Variants in NVL observed in about 807,000 individuals in gnomAD.
The protein encoded by NVL is nuclear valosin-containing protein-like.
A neutral mutation model predicts 110.2 loss-of-function variants in NVL; 84 were observed. That is an observed-to-expected ratio of 0.76 (90% CI 0.64 to 0.91). The LOEUF is 0.91. Ranked by LOEUF, NVL falls within the 40% of genes least tolerant of loss-of-function variation. The pLI is 0.00. For missense variants in NVL, 882 were observed against 1,035.9 expected, an observed-to-expected ratio of 0.85 and a Z score of 2.04; for synonymous variants, 354 against 361.1, an observed-to-expected ratio of 0.98 and a Z score of 0.22.
chr1:224,321,822 T>C (rs1216794127), intron 2 of NVL, among the ~76,000 whole-genome samples: 4 of 150,510 alleles, frequency 2.7e-5, no homozygotes, highest in African/African-American at 9.8e-5. Flanking sequence ...ATTAGGCTAG[T>C]ATAGTAATGG....
chr1:224,284,139 G>T (rs999571429), intron 15 of NVL, among the ~76,000 whole-genome samples: 2 of 151,808 alleles, frequency 1.3e-5, no homozygotes, highest in African/African-American at 4.8e-5. Flanking sequence ...TTCCAATGGG[G>T]AAAAAAGCAC....
chr1:224,270,656 TAAATA>T (rs1425374536), intron 17 of NVL, among the ~76,000 whole-genome samples: 3 of 151,880 alleles, frequency 2.0e-5, no homozygotes, highest in Admixed American at 6.6e-5. Context: ...AACACATAAT[TAAATA>T]AAAGACTACT....
rs184184446 is a variant in NVL, at chr1:224,316,995, C to T, written c.284+699G>A. 7.2e-5 allele frequency among the ~76,000 whole-genome samples: 11 copies of T among 151,906 alleles called. No homozygotes were observed. In the East Asian group the frequency reaches 1.8e-3, roughly 24 times the overall value. On this transcript the variant is annotated intron_variant, in intron 4 of 22. Transcript: ENST00000281701. Reference sequence around the variant, plus strand: ...TCTACCAAAAATATAAAAAATTAGCCGGGTGTGGTGGCACATGACTGTAAT... The same window carrying T: ...TCTACCAAAAATATAAAAAATTAGCTGGGTGTGGTGGCACATGACTGTAAT...
Position 224,254,577 on chromosome 1 carries a change from T to TG in NVL, c.2183-4260_2183-4259insC, listed in dbSNP as rs1282746184. Among the ~76,000 whole-genome samples, 24 of 144,534 alleles carry TG rather than the reference T, an allele frequency of 1.7e-4. No individual in the cohort carries two copies. The East Asian group carries it at 4.0e-3, about 24-fold the overall frequency. The allele number at this position is 144,534 out of a possible 152,430, so 94.8% of individuals were successfully genotyped here. ...CCGGCTAATTTGTTTTTTTTGTTTT[T>TG]TTTTTTTTTGTATTTTTAGTAGAAA... On this transcript the variant is annotated intron_variant, in intron 18 of 22. Coordinates refer to ENST00000281701, the MANE Select transcript of NVL (RefSeq NM_002533.4).
chr1:224,264,021 A>G (rs1664241398), intron 18 of NVL, among the ~76,000 whole-genome samples: 1 of 152,018 alleles, frequency 6.6e-6, no homozygotes, highest in African/African-American at 2.4e-5. Context: ...TCTCAAAAAC[A>G]AACAAACAAA....
At chr1:224,269,892 G>C (rs1173270189) in intron 17 of NVL, 1 of 151,020 alleles carries the variant, frequency 6.6e-6, no homozygotes, top group Non-Finnish European at 1.5e-5. Context: ...TGGGACTACA[G>C]GTATGCACCA....
intron 16 of NVL, among the ~76,000 whole-genome samples, chr1:224,278,225 TC>T (rs1665959081): frequency 6.9e-6 from 1 of 144,574 alleles, no homozygotes; most frequent in Admixed American, 7.0e-5. Flanking sequence ...GATCATCTAA[TC>T]TTTTTTTTTT....
At chr1:224,290,648 A>C (rs1054187789) in intron 12 of NVL, among the ~76,000 whole-genome samples, 14 of 152,066 alleles carry the variant, frequency 9.2e-5, no homozygotes, top group African/African-American at 3.1e-4. Context: ...TAAAGATACA[A>C]AAAATTAGCT....
At chr1:224,243,319 G>C (rs1332904499) in intron 19 of NVL, among the ~76,000 whole-genome samples, 1 of 151,520 alleles carries the variant, frequency 6.6e-6, no homozygotes, top group Non-Finnish European at 1.5e-5. Context: ...AAATTAGCTA[G>C]GCCTGGTGGC....
chr1:224,318,614 A>C (rs1670321193), intron 2 of NVL, among the ~76,000 whole-genome samples: 1 of 151,918 alleles, frequency 6.6e-6, no homozygotes, highest in Admixed American at 6.6e-5. Flanking sequence ...AAAAATAATA[A>C]ATTAAAAAAC....
chr1:224,295,908 C>G (rs967360086), intron 11 of NVL, among the ~76,000 whole-genome samples: 2 of 137,284 alleles, frequency 1.5e-5, no homozygotes, highest in South Asian at 4.5e-4. Flanking sequence ...GAGGTTGCAG[C>G]GAGTTGAGAT....
At chr1:224,230,231 G>T (rs1416296802) in intron 22 of NVL, among the ~76,000 whole-genome samples, 2 of 152,192 alleles carry the variant, frequency 1.3e-5, no homozygotes, top group African/African-American at 4.8e-5. Context: ...TTTGGGTACA[G>T]TCTAGCTCCA....
At chr1:224,309,077 AAAAAAG>A (rs1292541804) in intron 5 of NVL, among the ~76,000 whole-genome samples, 1 of 151,840 alleles carries the variant, frequency 6.6e-6, no homozygotes, top group Non-Finnish European at 1.5e-5. Flanking sequence ...AAAAAAAAAA[AAAAAAG>A]ACTTCACTCC....
chr1:224,254,580 T>TG (rs1342263240), intron 18 of NVL, among the ~76,000 whole-genome samples: 46 of 144,286 alleles, frequency 3.2e-4, no homozygotes, highest in Admixed American at 2.1e-4. Flanking sequence ...TTGTTTTTTT[T>TG]TTTTTTGTAT....
At chr1:224,296,961 A>AG (rs1350705510) in intron 10 of NVL, among the ~76,000 whole-genome samples, 2 of 152,202 alleles carry the variant, frequency 1.3e-5, no homozygotes, top group African/African-American at 2.4e-5. Flanking sequence ...GCATATGCAC[A>AG]GAAAAAAAAA....
chr1:224,235,674 TC>T (rs1468209615), intron 20 of NVL, among the ~76,000 whole-genome samples: 1 of 151,998 alleles, frequency 6.6e-6, no homozygotes, highest in Non-Finnish European at 1.5e-5. Flanking sequence ...CTCACTGTAA[TC>T]CCAGCACTTT....
chr1:224,322,881 G>A (rs929977504), intron 2 of NVL, among the ~76,000 whole-genome samples: 2 of 152,050 alleles, frequency 1.3e-5, no homozygotes, highest in African/African-American at 4.8e-5. Flanking sequence ...TTGAACCAGG[G>A]AGGCAGAGGT....
At chr1:224,247,738 T>C (rs1662021645) in intron 19 of NVL, among the ~76,000 whole-genome samples, 1 of 152,062 alleles carries the variant, frequency 6.6e-6, no homozygotes, top group African/African-American at 2.4e-5. Flanking sequence ...CTCCAACTCC[T>C]AGTCTCAAGT....
chr1:224,262,144 T>G (rs1013732118), intron 18 of NVL, among the ~76,000 whole-genome samples: 1 of 151,866 alleles, frequency 6.6e-6, no homozygotes, highest in African/African-American at 2.4e-5. Context: ...ATTTAGGAGA[T>G]CAGTCCAGGA....
Sources: allele counts gnomAD v4.1 joint callset (sites outside exome capture counted in the v4.1 genomes callset), GRCh38; gene constraint gnomAD v4.1.1; transcripts MANE v1.5; gene names NCBI Gene and HGNC (gene_info 2026-07-23, HGNC 2026-07-21).